IGF1: variants seen among roughly 807,000 people sequenced by gnomAD.
IGF1 encodes insulin like growth factor 1.
A neutral mutation model predicts 13.8 loss-of-function variants in IGF1; 4 were observed. The observed-to-expected ratio is 0.29, with a 90% CI of 0.14 to 0.66. The LOEUF is 0.66. IGF1 is among the 30% of genes least tolerant of loss of function. The pLI, the probability that IGF1 is intolerant of heterozygous loss-of-function variation, is 0.78. For synonymous variants in IGF1, 76 were observed against 72.6 expected, an observed-to-expected ratio of 1.05 and a Z score of -0.23; for missense variants, 124 against 188.5, an observed-to-expected ratio of 0.66 and a Z score of 2.00.
chr12:102,435,072 G>T (rs1453576424), intron 2 of IGF1, among the ~76,000 whole-genome samples: 1 of 152,102 alleles, frequency 6.6e-6, no homozygotes, highest in Admixed American at 6.5e-5. Flanking sequence ...TGTTTACATA[G>T]AATTTACATT....
chr12:102,441,955 C>CTTCTTCTTCTTCTT (rs1555244164), intron 2 of IGF1, among the ~76,000 whole-genome samples: 8 of 140,060 alleles, frequency 5.7e-5, no homozygotes, highest in African/African-American at 2.2e-4. Flanking sequence ...TCTTCTTCTT[C>CTTCTTCTTCTTCTT]TTTTTTTTTT....
At chr12:102,467,621 C>T (rs957372371) in intron 2 of IGF1, among the ~76,000 whole-genome samples, 2 of 152,148 alleles carry the variant, frequency 1.3e-5, no homozygotes, top group African/African-American at 4.8e-5. Flanking sequence ...TTAGTTTGTA[C>T]AAATTTCCAC....
chr12:102,403,957 C>A (rs893352949), intron 3 of IGF1, among the ~76,000 whole-genome samples: 2 of 152,104 alleles, frequency 1.3e-5, no homozygotes, highest in Non-Finnish European at 2.9e-5. Flanking sequence ...AGAACTAAGT[C>A]ATTATATTAT....
In IGF1 at chr12:102,402,239, TA is replaced by T; in HGVS notation, c.*267del. On this transcript the variant is annotated 3_prime_UTR_variant, in exon 4 of 4. Coordinates refer to ENST00000337514, the MANE Select transcript of IGF1 (RefSeq NM_000618.5). The stretch of plus-strand genomic sequence containing the variant: ...AGGCAGGGACTAAGATATATATATA[TA>T]TATATTTTTTTTTTCTTTTCTATAG... The T allele has an allele frequency of 4.0e-6, 1 of 250,998 alleles. No homozygotes were observed. Among genetic ancestry groups the T allele is most frequent in the Non-Finnish European group, 7.6e-6 (1 of 132,048 alleles). The allele number at this position is 250,998 out of a possible 1,614,324, so 15.5% of individuals were successfully genotyped here.
chr12:102,478,749 C>T, intron 1 of IGF1: 1 of 933,990 alleles, frequency 1.1e-6, no homozygotes, highest in Non-Finnish European at 1.5e-6. Context: ...GTCAAGCCAC[C>T]TATTTCCATT....
intron 2 of IGF1, among the ~76,000 whole-genome samples, chr12:102,443,604 AT>A (rs1878054015): frequency 6.6e-6 from 1 of 152,070 alleles, no homozygotes; most frequent in African/African-American, 2.4e-5. Flanking sequence ...CTCACAGAGT[AT>A]TTTCATGATA....
chr12:102,405,528 G>C (rs193077365), intron 3 of IGF1, among the ~76,000 whole-genome samples: 2 of 152,232 alleles, frequency 1.3e-5, no homozygotes, highest in African/African-American at 2.4e-5. Flanking sequence ...GTCTGTAGCT[G>C]ATCAAACCCG....
At chr12:102,464,954 CGTGGGGAACAA>C (rs1880195560) in intron 2 of IGF1, among the ~76,000 whole-genome samples, 1 of 152,146 alleles carries the variant, frequency 6.6e-6, no homozygotes, top group Admixed American at 6.5e-5. Context: ...CCAATCACCT[CGTGGGGAACAA>C]AGTCTTTAAG....
rs528109757 is a variant in IGF1 at position 102,409,926 on chromosome 12, T to G, written c.403-7360A>C. Among the ~76,000 whole-genome samples the G allele has an allele frequency of 3.2e-4, 48 of 152,330 alleles. 1 individual carries two copies. In the South Asian group the frequency reaches 9.9e-3, roughly 32 times the overall value. ...TGTCAAAGCAGTTTGCATGCTAGAG[T>G]GCTGCCCTTTCTCTGGCTGAATGTG... On this transcript the variant is annotated intron_variant, in intron 3 of 3. Transcript: ENST00000337514.
intron 3 of IGF1, among the ~76,000 whole-genome samples, chr12:102,414,717 C>A (rs1002224822): frequency 6.6e-6 from 1 of 152,170 alleles, no homozygotes; most frequent in Non-Finnish European, 1.5e-5. Flanking sequence ...AGCCACTGTG[C>A]CCAGCCTTAA....
chr12:102,436,542 G>T (rs1031163709), intron 2 of IGF1, among the ~76,000 whole-genome samples: 1 of 152,094 alleles, frequency 6.6e-6, no homozygotes, highest in African/African-American at 2.4e-5. Context: ...AAGGCAGTGT[G>T]GGTTTGGGGC....
chr12:102,442,958 G>A (rs1363129032), intron 2 of IGF1, among the ~76,000 whole-genome samples: 2 of 152,056 alleles, frequency 1.3e-5, no homozygotes, highest in African/African-American at 4.8e-5. Flanking sequence ...TGTTATTGCT[G>A]TTTTTGATAG....
rs1283646999 is a variant in IGF1, at chr12:102,478,556, T to A, written c.63+1763A>T. The A allele has an allele frequency of 5.0e-6, 8 of 1,603,158 alleles. No homozygotes were observed. The Admixed American group carries it at 5.1e-5, about 10-fold the overall frequency. On this transcript the variant is annotated intron_variant, in intron 1 of 3. Transcript: ENST00000337514. ...GTCAGGGTGGGTATTATGAGGCCGA[T>A]GTGAATAGAAAACTGAAGTCTTAAA...
In IGF1 at chr12:102,419,694, C is replaced by A; in HGVS notation, c.221-4G>T. ...GAGCCATACCCTGTGGGCTTGTCTGCACAAATCAAACAGAGTGGCCTCATG... is the reference window on the plus strand; with the variant it reads ...GAGCCATACCCTGTGGGCTTGTCTGAACAAATCAAACAGAGTGGCCTCATG... On this transcript the variant is annotated splice_polypyrimidine_tract_variant and splice_region_variant and intron_variant, in intron 2 of 3. Coordinates refer to ENST00000337514, the MANE Select transcript of IGF1 (RefSeq NM_000618.5). The A allele has an allele frequency of 6.2e-7, 1 of 1,611,372 alleles. No homozygotes were observed. The highest frequency in any genetic ancestry group is 8.5e-7 in the Non-Finnish European group (1 of 1,179,982).
At chr12:102,454,066 C>T (rs1879177081) in intron 2 of IGF1, among the ~76,000 whole-genome samples, 1 of 152,150 alleles carries the variant, frequency 6.6e-6, no homozygotes, top group South Asian at 2.1e-4. Flanking sequence ...CTGCTCTGCA[C>T]TAGCCTAACA....
chr12:102,475,914 A>C (rs1592837992), intron 1 of IGF1, 115 bp from the exon 2 acceptor site: 1 of 1,106,492 alleles, frequency 9.0e-7, no homozygotes, highest in South Asian at 1.3e-5. Context: ...AATCAGGACT[A>C]CCCAGCACAG....
At chr12:102,434,202 G>A (rs571754414) in intron 2 of IGF1, among the ~76,000 whole-genome samples, 161 of 149,126 alleles carry the variant, frequency 1.1e-3, no homozygotes, top group African/African-American at 3.9e-3. Context: ...ACATTGTGCA[G>A]GTTAGTTACA....
intron 2 of IGF1, among the ~76,000 whole-genome samples, chr12:102,464,877 A>G (rs566164907): frequency 1.3e-5 from 2 of 152,208 alleles, no homozygotes; most frequent in Non-Finnish European, 2.9e-5. Flanking sequence ...GCTAAGCAGA[A>G]ATCACCAATA....
intron 2 of IGF1, among the ~76,000 whole-genome samples, chr12:102,437,589 G>C (rs1877355067): frequency 6.6e-6 from 1 of 152,190 alleles, no homozygotes. Flanking sequence ...TAGAAGTAGA[G>C]AGTAGAATAG....
Sources: gnomAD v4.1 joint callset for allele counts (sites outside exome capture counted in the v4.1 genomes callset) on GRCh38, gnomAD v4.1.1 for gene constraint, MANE v1.5 for transcripts, NCBI Gene and HGNC (gene_info 2026-07-23, HGNC 2026-07-21) for gene names.